Variants in ARHGEF4 observed in about 807,000 individuals in gnomAD.
ARHGEF4 encodes the protein APC-stimulated guanine nucleotide exchange factor 1.
ARHGEF4 carries 119 observed loss-of-function variants against 162.0 expected under a neutral mutation model. That is an observed-to-expected ratio of 0.73 (90% CI 0.63 to 0.86). The LOEUF (loss-of-function observed/expected upper bound fraction) is 0.86. Among genes scored for constraint, ARHGEF4 ranks in the 40% least tolerant of loss-of-function variants. ARHGEF4 has a pLI of 0.00. For synonymous variants in ARHGEF4, 1,014 were observed against 979.9 expected (o/e 1.03, Z -0.65); for missense variants, 2,488 against 2,456.0 (o/e 1.01, Z -0.28).
At chr2:130,993,495 CTT>C (rs1687184166) in intron 4 of ARHGEF4, among the ~76,000 whole-genome samples, 1 of 152,040 alleles carries the variant, frequency 6.6e-6, no homozygotes, top group Non-Finnish European at 1.5e-5. Flanking sequence ...ATCTCTCTGT[CTT>C]TGTCTGCTTG....
At position 130,917,028 on chromosome 2, in the gene ARHGEF4, C is replaced by G. The variant is rs1178726938; in HGVS notation, c.3082C>G (p.Pro1028Ala). ...TCCAGAACACAGGAGGAAAAGTGAA[C>G]CGACCATCAAGTGCACAGCCACCCA... ...VSPEHRRKSE[P>A]TIKCTATQEG... Residue 1028 changes from proline to alanine, a missense_variant, in exon 2 of 14, where the codon CCG becomes GCG. Transcript: ENST00000409359. 5.8e-6 allele frequency: 9 copies of G among 1,550,930 alleles called. No individual in the cohort carries two copies. Among genetic ancestry groups the G allele is most frequent in the Non-Finnish European group, 7.8e-6 (9 of 1,147,072 alleles).
intron 3 of ARHGEF4, among the ~76,000 whole-genome samples, chr2:130,935,935 C>G (rs1682918282): frequency 2.0e-5 from 3 of 152,150 alleles, no homozygotes; most frequent in Admixed American, 2.0e-4. Context: ...CGTGGTGGTG[C>G]ATGCCTATAA....
chr2:130,982,545 CCTT>C (rs1228239433), intron 4 of ARHGEF4, among the ~76,000 whole-genome samples: 1 of 151,770 alleles, frequency 6.6e-6, no homozygotes, highest in African/African-American at 2.4e-5. Flanking sequence ...ATTTTTTCTT[CCTT>C]CTTTTTTCGC....
chr2:130,932,080 C>G (rs1329323563), intron 3 of ARHGEF4, among the ~76,000 whole-genome samples: 1 of 152,190 alleles, frequency 6.6e-6, no homozygotes, highest in Admixed American at 6.5e-5. Context: ...TCCCCAGACC[C>G]TGGAAATACT....
At position 130,965,872 on chromosome 2, in the gene ARHGEF4, G is replaced by C. The variant is rs370225198; in HGVS notation, c.3985+19237G>C. Among the ~76,000 whole-genome samples, 321 of 152,306 alleles carry C rather than the reference G, an allele frequency of 2.1e-3. 2 individuals carry two copies. Among genetic ancestry groups the C allele is most frequent in the African/African-American group, 7.3e-3 (303 of 41,568 alleles). ...TTGCATGAAGATCTGGAGAGAGAGA[G>C]AGTTGGGAGCAGGGGGTGGGGAAGG... On this transcript the variant is annotated intron_variant, in intron 4 of 13. Transcript: ENST00000409359.
chr2:130,849,319 A>C (rs922569700), intron 1 of ARHGEF4, among the ~76,000 whole-genome samples: 3 of 152,102 alleles, frequency 2.0e-5, no homozygotes, highest in Non-Finnish European at 1.5e-5. Flanking sequence ...AGGGCTGGGG[A>C]GGCTTTAGGA....
At chr2:131,012,890 G>A (rs1341578621) in intron 4 of ARHGEF4, among the ~76,000 whole-genome samples, 1 of 152,188 alleles carries the variant, frequency 6.6e-6, no homozygotes, top group African/African-American at 2.4e-5. Flanking sequence ...TATGTGCCAG[G>A]ACATTCAGCA....
rs565608819 is a variant in ARHGEF4 at position 131,043,893 on chromosome 2, C to T, written c.5157+310C>T. ...CCTCCACATCCCCTCTCTCCAACCC[C>T]GGAGTCCCCTGCTCTAGCCACCTCC... On this transcript the variant is annotated intron_variant, in intron 11 of 13. Coordinates refer to ENST00000409359, the MANE Select transcript of ARHGEF4 (RefSeq NM_001367493.1). Among the ~76,000 whole-genome samples, 441 of 152,270 alleles carry T rather than the reference C, an allele frequency of 2.9e-3. 1 individual carries two copies. The highest frequency in any genetic ancestry group is 0.01 in the African/African-American group (420 of 41,554).
chr2:131,022,995 T>A (rs1689232021), intron 4 of ARHGEF4, among the ~76,000 whole-genome samples: 1 of 135,294 alleles, frequency 7.4e-6, no homozygotes, highest in South Asian at 2.2e-4. Context: ...TGATCCCAGC[T>A]ACTTGGGAAC....
At chr2:130,958,397 CTT>C (rs200633303) in intron 4 of ARHGEF4, among the ~76,000 whole-genome samples, 3 of 145,424 alleles carry the variant, frequency 2.1e-5, no homozygotes, top group African/African-American at 2.5e-5. Context: ...GAGATGGAGT[CTT>C]TTTTTTTTTG....
At position 130,901,423 on chromosome 2, in the gene ARHGEF4, G is replaced by T. The variant is rs552606080; in HGVS notation, c.40-12563G>T. Among the ~76,000 whole-genome samples, 4 of 152,214 alleles carry T rather than the reference G, an allele frequency of 2.6e-5. No individual in the cohort carries two copies. In the South Asian group the frequency reaches 8.3e-4, roughly 32 times the overall value. On this transcript the variant is annotated intron_variant, in intron 1 of 13. Coordinates refer to ENST00000409359, the MANE Select transcript of ARHGEF4 (RefSeq NM_001367493.1). ...CCCTTGTTGGGCTTTCCTCTTGCTGGAACTTTGGCCAAAGAGAGTCTGTTT... is the reference window on the plus strand; with the variant it reads ...CCCTTGTTGGGCTTTCCTCTTGCTGTAACTTTGGCCAAAGAGAGTCTGTTT...
intron 5 of ARHGEF4, chr2:131,035,655 C>G: frequency 1.0e-6 from 1 of 989,162 alleles, no homozygotes; most frequent in Non-Finnish European, 1.2e-6. Context: ...TGTGGAAGAC[C>G]CCCGGGCACC....
chr2:131,045,466 A>C lies in ARHGEF4; in HGVS notation c.5479+20A>C, dbSNP rs1573719752. ...CCAAAGGTAGGCGGACAGCAGCCCC[A>C]CCTCCTCGGCTGCCCGGTCCTTACC... On this transcript the variant is annotated intron_variant, in intron 13 of 13. Transcript: ENST00000409359. 1.9e-6 allele frequency: 3 copies of C among 1,613,186 alleles called. No homozygotes were observed. Among genetic ancestry groups the C allele is most frequent in the Non-Finnish European group, 2.5e-6 (3 of 1,179,922 alleles).
intron 4 of ARHGEF4, among the ~76,000 whole-genome samples, chr2:130,981,933 G>A (rs1042041563): frequency 2.0e-5 from 3 of 152,172 alleles, no homozygotes; most frequent in Non-Finnish European, 4.4e-5. Flanking sequence ...ATAGTGTGAA[G>A]CAATACAAAC....
intron 2 of ARHGEF4, among the ~76,000 whole-genome samples, chr2:130,928,338 T>C (rs1682425487): frequency 6.6e-6 from 1 of 152,250 alleles, no homozygotes. Flanking sequence ...CGGGAAAGAA[T>C]GAAGCAGGGT....
intron 4 of ARHGEF4, among the ~76,000 whole-genome samples, chr2:130,999,153 G>GT (rs1339894882): frequency 1.4e-5 from 2 of 145,584 alleles, no homozygotes; most frequent in African/African-American, 2.5e-5. Context: ...GGGTTTTTTT[G>GT]TTTTTTCTTT....
At chr2:130,969,064 C>G (rs990597174) in intron 4 of ARHGEF4, among the ~76,000 whole-genome samples, 2 of 152,184 alleles carry the variant, frequency 1.3e-5, no homozygotes, top group Non-Finnish European at 2.9e-5. Flanking sequence ...GTAGAAAATG[C>G]ATTTAGTACG....
At chr2:130,899,808 G>A (rs1680384914) in intron 1 of ARHGEF4, among the ~76,000 whole-genome samples, 1 of 152,176 alleles carries the variant, frequency 6.6e-6, no homozygotes, top group Non-Finnish European at 1.5e-5. Context: ...GGGTTACAAG[G>A]GAGACCCAAG....
At chr2:130,936,189 G>A (rs376764348) in intron 3 of ARHGEF4, among the ~76,000 whole-genome samples, 1 of 152,296 alleles carries the variant, frequency 6.6e-6, no homozygotes, top group South Asian at 2.1e-4. Context: ...TTCTGTATAT[G>A]TCTGTTAGTT....
Sources: gnomAD v4.1 joint callset for allele counts (sites outside exome capture counted in the v4.1 genomes callset) on GRCh38, gnomAD v4.1.1 for gene constraint, MANE v1.5 for transcripts, NCBI Gene and HGNC (gene_info 2026-07-23, HGNC 2026-07-21) for gene names.